The following CHST10 variants were observed in gnomAD, a reference collection of about 807,000 sequenced individuals.
CHST10 encodes HNK-1 sulfotransferase.
In CHST10, 24 loss-of-function variants were observed where a neutral mutation model predicts 34.7. The observed-to-expected ratio is 0.69, with a 90% confidence interval of 0.50 to 0.97. The LOEUF is 0.97. CHST10 is among the 50% of genes least tolerant of loss of function. The probability of loss-of-function intolerance (pLI) is 0.00; values close to 1 mark genes in which losing one functional copy is unlikely to be tolerated. For missense variants in CHST10, 402 were observed against 452.1 expected (o/e 0.89, Z 1.00); for synonymous variants, 161 against 169.3 (o/e 0.95, Z 0.38).
At chr2:100,416,543 G>A (rs2104281069) in intron 1 of CHST10, 1 of 164,216 alleles carries the variant, frequency 6.1e-6, no homozygotes, top group South Asian at 1.7e-4. Context: ...GAGTGAAGGA[G>A]GAGGTGGTTG....
intron 2 of CHST10, among the ~76,000 whole-genome samples, chr2:100,411,403 C>T (rs1271045604): frequency 6.6e-6 from 1 of 152,280 alleles, no homozygotes; most frequent in East Asian, 1.9e-4. Flanking sequence ...TGAGCCACCA[C>T]ACCCGGCCTA....
At chr2:100,417,015 T>A (rs1676094406) in intron 1 of CHST10, 3 of 1,304,230 alleles carry the variant, frequency 2.3e-6, no homozygotes, top group Non-Finnish European at 3.0e-6. Flanking sequence ...CCTTCTTCCC[T>A]GCCTTCCTCT....
intron 1 of CHST10, chr2:100,416,534 A>G (rs1676075548): frequency 6.1e-6 from 1 of 163,354 alleles, no homozygotes; most frequent in Non-Finnish European, 1.4e-5. Context: ...CACTGAAAAG[A>G]GTGAAGGAGG....
chr2:100,406,803 A>G (rs547168218), intron 2 of CHST10, 96 bp from the exon 3 acceptor site: 1,548 of 1,482,972 alleles, frequency 1.0e-3, no homozygotes, highest in Non-Finnish European at 1.4e-3. Context: ...AGTAAGTATC[A>G]GCACAAATAT....
intron 6 of CHST10, among the ~76,000 whole-genome samples, chr2:100,395,027 G>A (rs893553259): frequency 3.3e-5 from 5 of 152,158 alleles, no homozygotes; most frequent in East Asian, 1.9e-4. Flanking sequence ...CCTGGACTCC[G>A]TCCTTGCTGC....
chr2:100,396,274 C>T (rs1392012144), intron 5 of CHST10, among the ~76,000 whole-genome samples: 2 of 152,246 alleles, frequency 1.3e-5, no homozygotes, highest in East Asian at 1.9e-4. Context: ...GCCGTGCCAA[C>T]AGCCAGGGTC....
intron 3 of CHST10, 58 bp downstream of exon 3, chr2:100,406,518 C>G (rs1329281390): frequency 2.5e-6 from 4 of 1,601,592 alleles, no homozygotes; most frequent in Middle Eastern, 1.7e-4. Context: ...TACCTAGGAA[C>G]AGTGTTGCAG....
At chr2:100,406,533 G>T (rs1219436850) in intron 3 of CHST10, 43 bp downstream of exon 3, 16 of 1,611,132 alleles carry the variant, frequency 9.9e-6, no homozygotes, top group Non-Finnish European at 1.4e-5. Flanking sequence ...TTGCAGCTAG[G>T]TCTAAATTAG....
intron 4 of CHST10, among the ~76,000 whole-genome samples, chr2:100,401,857 T>C (rs1326009987): frequency 6.6e-6 from 1 of 152,202 alleles, no homozygotes; most frequent in East Asian, 1.9e-4. Flanking sequence ...GGCTTGATTC[T>C]GGGCTAAAAA....
chr2:100,407,401 C>A (rs1675626148), intron 2 of CHST10, among the ~76,000 whole-genome samples: 1 of 152,200 alleles, frequency 6.6e-6, no homozygotes, highest in Non-Finnish European at 1.5e-5. Flanking sequence ...TGGGAAGTCA[C>A]TGTCAGTTCT....
At position 100,393,423 on chromosome 2, in the gene CHST10, C is replaced by T. The variant is rs371045606; in HGVS notation, c.893G>A (p.Gly298Asp). ...CGGGTATGACACCAGGTGGTCAATG[C>T]CAGCCTCTTTTAAGATGTATGGGGC... ...DDAPYILKEA[G>D]IDHLVSYPTI... The change falls in exon 7 of 7, where the codon GGC becomes GAC. Residue 298 changes from glycine (G) to aspartate (D), a missense_variant. Coordinates refer to ENST00000264249, the MANE Select transcript of CHST10 (RefSeq NM_004854.5). 5.6e-6 allele frequency: 9 copies of T among 1,614,096 alleles called. No individual in the cohort carries two copies. The highest frequency in any genetic ancestry group is 6.8e-6 in the Non-Finnish European group (8 of 1,180,026).
chr2:100,416,854 A>C lies in CHST10; in HGVS notation c.-104+520T>G. 4.2e-6 allele frequency: 3 copies of C among 710,746 alleles called. No individual in the cohort carries two copies. The South Asian group carries it at 4.5e-5, about 11-fold the overall frequency. The allele number at this position is 710,746 out of a possible 1,614,324, so 44.0% of individuals were successfully genotyped here. A position where few individuals can be genotyped will look rare whatever the true frequency, so the allele number is the denominator to read the frequency against. On this transcript the variant is annotated intron_variant, in intron 1 of 6. Coordinates refer to ENST00000264249, the MANE Select transcript of CHST10 (RefSeq NM_004854.5). ...TTTGGAAAACCTGGTTCACCTTCCCAGCCAGAAGTGCAGAACTGCATGCCT... is the reference window on the plus strand; with the variant it reads ...TTTGGAAAACCTGGTTCACCTTCCCCGCCAGAAGTGCAGAACTGCATGCCT...
intron 6 of CHST10, 76 bp downstream of exon 6, chr2:100,395,433 C>T (rs1024267609): frequency 7.1e-5 from 94 of 1,320,148 alleles, no homozygotes; most frequent in Non-Finnish European, 9.7e-5. Context: ...GTACAGAACT[C>T]AGCCTGGGGT....
chr2:100,406,779 A>G, intron 2 of CHST10, 72 bp from the exon 3 acceptor site: 1 of 1,562,352 alleles, frequency 6.4e-7, no homozygotes, highest in Non-Finnish European at 8.7e-7. Context: ...TGAAAACGAC[A>G]GGTGATTTCA....
intron 5 of CHST10, among the ~76,000 whole-genome samples, chr2:100,395,987 T>C (rs1675041060): frequency 6.6e-6 from 1 of 152,156 alleles, no homozygotes; most frequent in Non-Finnish European, 1.5e-5. Flanking sequence ...ACACTTACTC[T>C]ACTCTGAGAC....
At chr2:100,402,694 A>C in intron 3 of CHST10, 39 bp from the exon 4 acceptor site, 1 of 1,561,652 alleles carries the variant, frequency 6.4e-7, no homozygotes, top group Non-Finnish European at 8.8e-7. Context: ...TCTAAAAGGA[A>C]AAGGCACACA....
At chr2:100,402,527 T>C (rs1675389459) in intron 4 of CHST10, 37 bp downstream of exon 4, 1 of 1,574,516 alleles carries the variant, frequency 6.4e-7, no homozygotes, top group Non-Finnish European at 8.7e-7. Context: ...GGGTGCCGTG[T>C]TCAAGAGGAC....
rs746893496 is a variant in CHST10 at position 100,406,680 on chromosome 2, T to C, written c.-5A>G. 6.2e-7 allele frequency: 1 copy of C among 1,609,452 alleles called. No homozygotes were observed. Among genetic ancestry groups the C allele is most frequent in the Non-Finnish European group, 8.5e-7 (1 of 1,177,312 alleles). On this transcript the variant is annotated 5_prime_UTR_variant, in exon 3 of 7. An upstream open reading frame in the 5' UTR loses its in-frame stop. Transcript: ENST00000264249. Reference sequence around the variant, plus strand: ...CAGAAGCCACTGGTGGTGCATGTTGTCACACCGCAGCCATTCACTGACTCT... The same window carrying C: ...CAGAAGCCACTGGTGGTGCATGTTGCCACACCGCAGCCATTCACTGACTCT...
chr2:100,415,536 C>A (rs1274980540), intron 1 of CHST10, among the ~76,000 whole-genome samples: 1 of 152,122 alleles, frequency 6.6e-6, no homozygotes, highest in Non-Finnish European at 1.5e-5. Flanking sequence ...TCATAAAAAA[C>A]CAGAAACAAG....
Sources: gnomAD v4.1 joint callset for allele counts (sites outside exome capture counted in the v4.1 genomes callset) on GRCh38, gnomAD v4.1.1 for gene constraint, MANE v1.5 for transcripts, NCBI Gene and HGNC (gene_info 2026-07-23, HGNC 2026-07-21) for gene names.